NEK11: variants seen among roughly 807,000 people sequenced by gnomAD.
NEK11 encodes the protein NIMA related kinase 11.
In NEK11, 72 loss-of-function variants were observed where a neutral mutation model predicts 80.7. The observed-to-expected ratio is 0.89, with a 90% CI of 0.74 to 1.08. NEK11 has a LOEUF of 1.08. NEK11 is among the 50% of genes least tolerant of loss of function. The pLI, the probability that NEK11 is intolerant of heterozygous loss-of-function variation, is 0.00. For missense variants in NEK11, 764 were observed against 763.6 expected, an observed-to-expected ratio of 1.00 and a Z score of -0.01; for synonymous variants, 251 against 260.7, an observed-to-expected ratio of 0.96 and a Z score of 0.36.
At chr3:131,201,546 A>T (rs2094227108) in intron 14 of NEK11, among the ~76,000 whole-genome samples, 1 of 152,138 alleles carries the variant, frequency 6.6e-6, no homozygotes. Flanking sequence ...CTCTCCTTTT[A>T]CCCAGCATTT....
At chr3:131,150,382 T>A (rs1430009065) in intron 7 of NEK11, among the ~76,000 whole-genome samples, 9 of 151,900 alleles carry the variant, frequency 5.9e-5, no homozygotes, top group East Asian at 3.9e-4. Context: ...TTGATTTTTT[T>A]AATTCTGTCA....
In NEK11 at chr3:131,162,483, G is replaced by GC; in HGVS notation, c.1039dup (p.Leu347ProfsTer8). ...AAATGACGCCAAGAGAAAGGATGCG[G>GC]CTGAGGAAGCTCCAGGCGGCTGATG... On this transcript the variant is annotated frameshift_variant, in exon 11 of 18. Coordinates refer to ENST00000383366, the MANE Select transcript of NEK11 (RefSeq NM_024800.5). LOFTEE classifies it high-confidence loss of function. The GC allele has an allele frequency of 6.2e-7, 1 of 1,614,122 alleles. No individual in the cohort carries two copies. Among genetic ancestry groups the GC allele is most frequent in the Non-Finnish European group, 8.5e-7 (1 of 1,179,980 alleles).
intron 5 of NEK11, among the ~76,000 whole-genome samples, chr3:131,126,267 T>C (rs2083311819): frequency 6.6e-6 from 1 of 152,196 alleles, no homozygotes; most frequent in African/African-American, 2.4e-5. Flanking sequence ...CTTTTATCAA[T>C]CTCTTGGTTC....
At chr3:131,318,699 C>G (rs1208972838) in intron 17 of NEK11, among the ~76,000 whole-genome samples, 1 of 150,494 alleles carries the variant, frequency 6.6e-6, no homozygotes, top group Non-Finnish European at 1.5e-5. Flanking sequence ...CATATATGAT[C>G]TCATCCATAT....
chr3:131,254,942 C>G (rs1181071690), intron 16 of NEK11, among the ~76,000 whole-genome samples: 1 of 151,676 alleles, frequency 6.6e-6, no homozygotes, highest in African/African-American at 2.4e-5. Flanking sequence ...ATCGCTTTAA[C>G]CCAAGAGGTG....
intron 16 of NEK11, among the ~76,000 whole-genome samples, chr3:131,266,383 G>A (rs1210568508): frequency 1.3e-5 from 2 of 152,106 alleles, no homozygotes; most frequent in African/African-American, 2.4e-5. Context: ...CTTTAGCTGT[G>A]TCCCAGGGAT....
At chr3:131,348,975 A>T (rs1052663848) in intron 17 of NEK11, among the ~76,000 whole-genome samples, 15 of 151,964 alleles carry the variant, frequency 9.9e-5, no homozygotes, top group Non-Finnish European at 1.8e-4. Flanking sequence ...TTATTTTGTT[A>T]TTATTAACTA....
chr3:131,244,250 C>A (rs1263617717), intron 16 of NEK11, among the ~76,000 whole-genome samples: 1 of 152,034 alleles, frequency 6.6e-6, no homozygotes, highest in Non-Finnish European at 1.5e-5. Flanking sequence ...GAGCTTTATG[C>A]ACAATTTATA....
chr3:131,342,833 T>C (rs1410336832), intron 17 of NEK11, among the ~76,000 whole-genome samples: 2 of 152,198 alleles, frequency 1.3e-5, no homozygotes, highest in Non-Finnish European at 2.9e-5. Flanking sequence ...TTTACTCCAT[T>C]CCGATACTAT....
At chr3:131,333,992 G>C (rs970581903) in intron 17 of NEK11, among the ~76,000 whole-genome samples, 10 of 151,532 alleles carry the variant, frequency 6.6e-5, no homozygotes, top group Non-Finnish European at 1.0e-4. Flanking sequence ...CCTACAGAGA[G>C]ACTTAGACTC....
chr3:131,106,991 A>C (rs969936510), intron 4 of NEK11, among the ~76,000 whole-genome samples: 1 of 152,158 alleles, frequency 6.6e-6, no homozygotes, highest in African/African-American at 2.4e-5. Flanking sequence ...GAAAAGACTT[A>C]AGATTTTTTC....
At chr3:131,065,719 A>C (rs1383405149) in intron 3 of NEK11, among the ~76,000 whole-genome samples, 1 of 152,054 alleles carries the variant, frequency 6.6e-6, no homozygotes, top group African/African-American at 2.4e-5. Flanking sequence ...TCTAACTATA[A>C]ACTTCAGGTT....
At chr3:131,316,602 T>C (rs2096842708) in intron 17 of NEK11, among the ~76,000 whole-genome samples, 1 of 152,210 alleles carries the variant, frequency 6.6e-6, no homozygotes, top group Non-Finnish European at 1.5e-5. Flanking sequence ...TGCCTGTATT[T>C]TGATTATGTG....
chr3:131,208,588 A>G (rs1423968711), intron 14 of NEK11, among the ~76,000 whole-genome samples: 1 of 152,154 alleles, frequency 6.6e-6, no homozygotes, highest in Non-Finnish European at 1.5e-5. Context: ...GATTCTTCCT[A>G]TCCATGAGCA....
rs767954933 is a variant in NEK11 at position 131,066,837 on chromosome 3, T to C, written c.171-13586T>C. Among the ~76,000 whole-genome samples, 3 of 133,258 alleles carry C rather than the reference T, an allele frequency of 2.3e-5. No homozygotes were observed. In the South Asian group the frequency reaches 7.2e-4, roughly 32 times the overall value. 87.4% of individuals were successfully genotyped at this position (133,258 alleles called of 152,430 possible). ...AGCCTGGGCGACAGAGCCAGACTTG[T>C]CTCAAAAAAAAAAAAAAAAAAGAAA... On this transcript the variant is annotated intron_variant, in intron 3 of 17. Transcript: ENST00000383366.
intron 3 of NEK11, among the ~76,000 whole-genome samples, chr3:131,074,455 A>T (rs148364476): frequency 1.3e-5 from 2 of 152,132 alleles, no homozygotes; most frequent in African/African-American, 2.4e-5. Flanking sequence ...CATAATGTAT[A>T]GTGTGATTTT....
At chr3:131,135,699 A>G (rs2085429940) in intron 7 of NEK11, among the ~76,000 whole-genome samples, 1 of 152,158 alleles carries the variant, frequency 6.6e-6, no homozygotes, top group Admixed American at 6.5e-5. Context: ...ATTTTAAAAT[A>G]GATTCAAATA....
rs563809536 is a variant in NEK11, at chr3:131,162,646, A to T, written c.1082+119A>T. 9.7e-6 allele frequency: 11 copies of T among 1,130,204 alleles called. No homozygotes were observed. The African/African-American group carries it at 1.2e-4, about 13-fold the overall frequency. 70.0% of individuals were successfully genotyped at this position (1,130,204 alleles called of 1,614,324 possible). A position where few individuals can be genotyped will look rare whatever the true frequency, so the allele number is the denominator to read the frequency against. ...CCCCAATGCATACGATTATGTATTT[A>T]TGTGTTTATTCATTCACTTGTTCAC... On this transcript the variant is annotated intron_variant, in intron 11 of 17. Transcript: ENST00000383366.
chr3:131,158,677 C>T (rs974456205), intron 10 of NEK11, among the ~76,000 whole-genome samples: 1 of 152,222 alleles, frequency 6.6e-6, no homozygotes, highest in Non-Finnish European at 1.5e-5. Context: ...TGGAGGGCCC[C>T]GGCTCCCTGA....
Sources: allele counts gnomAD v4.1 joint callset (sites outside exome capture counted in the v4.1 genomes callset), GRCh38; gene constraint gnomAD v4.1.1; transcripts MANE v1.5; gene names NCBI Gene and HGNC (gene_info 2026-07-23, HGNC 2026-07-21).